The following LIMD1 variants were observed in gnomAD, a reference collection of about 807,000 sequenced individuals.
LIMD1 encodes the protein LIM domain-containing protein 1.
Under a neutral mutation model 58.4 loss-of-function variants are expected in LIMD1, and 23 were observed. That is an observed-to-expected ratio of 0.39 (90% CI 0.28 to 0.56). LIMD1 has a LOEUF of 0.56. Among genes scored for constraint, LIMD1 ranks in the 20% least tolerant of loss-of-function variants. The pLI, the probability that LIMD1 is intolerant of heterozygous loss-of-function variation, is 0.57. For missense variants in LIMD1, 838 were observed against 855.5 expected, an observed-to-expected ratio of 0.98 and a Z score of 0.25; for synonymous variants, 334 against 345.5, an observed-to-expected ratio of 0.97 and a Z score of 0.37.
intron 1 of LIMD1, among the ~76,000 whole-genome samples, chr3:45,619,686 C>T (rs1270368491): frequency 9.2e-5 from 14 of 152,072 alleles, no homozygotes; most frequent in Non-Finnish European, 2.1e-4. Context: ...GTAATCCCAA[C>T]TACTCGGGAG....
intron 2 of LIMD1, among the ~76,000 whole-genome samples, chr3:45,652,227 A>G (rs1482995217): frequency 6.6e-6 from 1 of 152,196 alleles, no homozygotes; most frequent in Non-Finnish European, 1.5e-5. Flanking sequence ...ATGCCCGGCC[A>G]GCCAATGTAT....
chr3:45,682,005 G>C lies in LIMD1; in HGVS notation c.*4946G>C, dbSNP rs1697751837. ...CATGCAGGAAGACAGGACTTGTAGA[G>C]TGTTGGGGCCAAGTGTGTGGTTAGA... On this transcript the variant is annotated 3_prime_UTR_variant, in exon 8 of 8. Coordinates refer to ENST00000273317, the MANE Select transcript of LIMD1 (RefSeq NM_014240.3). 1 of 152,292 alleles carries C rather than the reference G, an allele frequency of 6.6e-6. No homozygotes were observed. The highest frequency in any genetic ancestry group is 2.1e-4 in the South Asian group (1 of 4,834). 9.4% of individuals were successfully genotyped at this position (152,292 alleles called of 1,614,324 possible).
rs1559527614 is a variant in LIMD1, at chr3:45,677,036, G to A, written c.2008G>A (p.Ala670Thr). 3 of 1,613,946 alleles carry A rather than the reference G, an allele frequency of 1.9e-6. No individual in the cohort carries two copies. Among genetic ancestry groups the A allele is most frequent in the Non-Finnish European group, 2.5e-6 (3 of 1,180,008 alleles). ...GCTGGAGAAGAGACCCTCATCTACA[G>A]CCCTTCACCAGCACCACTTCTAGCC... ...KRLEKRPSST[A>T]LHQHHF The change falls in exon 8 of 8, where the codon GCC (alanine) becomes ACC (threonine). Residue 670 changes from alanine (A) to threonine (T), a missense_variant. Transcript: ENST00000273317.
At chr3:45,601,700 C>T (rs76347732) in intron 1 of LIMD1, among the ~76,000 whole-genome samples, 7 of 152,224 alleles carry the variant, frequency 4.6e-5, no homozygotes, top group East Asian at 1.9e-4. Context: ...GTTGAGAAAC[C>T]GAGGCCAGAG....
rs979562982 is a variant in LIMD1, at chr3:45,607,193, G to A, written c.1408+10906G>A. Among the ~76,000 whole-genome samples, 48 of 152,184 alleles carry A rather than the reference G, an allele frequency of 3.2e-4. 1 individual carries two copies. Among genetic ancestry groups the A allele is most frequent in the Non-Finnish European group, 2.2e-4 (15 of 68,038 alleles). Reference sequence around the variant, plus strand: ...AACAGGTCACCGAAATTTCCAAGGCGTGGCAACGCAGGGTAGCACTTGCCA... The same window carrying A: ...AACAGGTCACCGAAATTTCCAAGGCATGGCAACGCAGGGTAGCACTTGCCA... On this transcript the variant is annotated intron_variant, in intron 1 of 7. Transcript: ENST00000273317.
rs1701746624 is a variant in LIMD1 at position 45,632,612 on chromosome 3, T to A, written c.1409-3538T>A. The A allele has an allele frequency of 3.3e-6, 3 of 917,192 alleles. No individual in the cohort carries two copies. In the South Asian group the frequency reaches 1.5e-4, roughly 46 times the overall value. The allele number at this position is 917,192 out of a possible 1,614,324, so 56.8% of individuals were successfully genotyped here. On this transcript the variant is annotated intron_variant, in intron 1 of 7. Transcript: ENST00000273317. ...GGAACTATGTGGAATGTGATTCAAC[T>A]CACACTTGTTTCCTTGAGCACTTGC... is the stretch of plus-strand genomic sequence containing the variant.
intron 2 of LIMD1, among the ~76,000 whole-genome samples, chr3:45,638,255 G>A (rs887245007): frequency 3.9e-5 from 6 of 152,082 alleles, no homozygotes; most frequent in Non-Finnish European, 8.8e-5. Context: ...ATCCATATGG[G>A]AGTTGTGTTT....
intron 1 of LIMD1, among the ~76,000 whole-genome samples, chr3:45,598,036 G>A (rs1411768397): frequency 6.6e-6 from 1 of 152,118 alleles, no homozygotes; most frequent in Admixed American, 6.5e-5. Flanking sequence ...TGCCCAGGCT[G>A]GAGTGCAGTG....
intron 1 of LIMD1, among the ~76,000 whole-genome samples, chr3:45,615,023 C>G (rs1234272786): frequency 6.6e-6 from 1 of 151,918 alleles, no homozygotes; most frequent in Non-Finnish European, 1.5e-5. Flanking sequence ...GCAGAACTTC[C>G]CCTCTTCTCT....
At chr3:45,634,838 A>G (rs1373836706) in intron 1 of LIMD1, 3 of 152,152 alleles carry the variant, frequency 2.0e-5, no homozygotes, top group Non-Finnish European at 4.4e-5. Context: ...AGGAACCTCT[A>G]TTTCCTAATT....
chr3:45,596,319 T>A, intron 1 of LIMD1, 32 bp downstream of exon 1: 1 of 1,513,462 alleles, frequency 6.6e-7, no homozygotes, highest in East Asian at 2.3e-5. Context: ...TTGCCTATGG[T>A]GGGGCGATGG....
intron 1 of LIMD1, among the ~76,000 whole-genome samples, chr3:45,616,702 T>C (rs1701579448): frequency 6.6e-6 from 1 of 152,102 alleles, no homozygotes; most frequent in South Asian, 2.1e-4. Context: ...AAGCAAATCA[T>C]GCCTGTGTGT....
intron 1 of LIMD1, among the ~76,000 whole-genome samples, chr3:45,610,544 A>T (rs984123797): frequency 1.3e-5 from 2 of 152,198 alleles, no homozygotes; most frequent in African/African-American, 4.8e-5. Flanking sequence ...GCAGGGAGAC[A>T]TGCTGGCAGG....
intron 2 of LIMD1, among the ~76,000 whole-genome samples, chr3:45,658,009 A>G (rs182005478): frequency 9.2e-5 from 14 of 152,324 alleles, no homozygotes; most frequent in African/African-American, 3.1e-4. Flanking sequence ...AAGGCATGTG[A>G]CAGTACAGGG....
chr3:45,637,094 T>G (rs1701796832), intron 2 of LIMD1, among the ~76,000 whole-genome samples: 1 of 152,216 alleles, frequency 6.6e-6, no homozygotes, highest in African/African-American at 2.4e-5. Context: ...TCTAACCATC[T>G]GGCCCCGTGG....
intron 2 of LIMD1, among the ~76,000 whole-genome samples, chr3:45,643,085 CCTGT>C (rs1701863657): frequency 2.0e-5 from 3 of 152,132 alleles, no homozygotes; most frequent in African/African-American, 7.2e-5. Context: ...TGTCAAGTGG[CCTGT>C]CTGAGGGAGG....
In LIMD1 at chr3:45,681,803, T is replaced by C. The variant is rs1481221125; in HGVS notation, c.*4744T>C. The C allele has an allele frequency of 6.6e-6, 1 of 152,276 alleles. No individual in the cohort carries two copies. The highest frequency in any genetic ancestry group is 2.4e-5 in the African/African-American group (1 of 41,476). 9.4% of individuals were successfully genotyped at this position (152,276 alleles called of 1,614,324 possible). A position where few individuals can be genotyped will look rare whatever the true frequency, so the allele number is the denominator to read the frequency against. ...AAATGTGAGAGGCCTTGGAGAATCA[T>C]ATCCCAAGAATCAGCAGTTTCTTTT... On this transcript the variant is annotated 3_prime_UTR_variant, in exon 8 of 8. Coordinates refer to ENST00000273317, the MANE Select transcript of LIMD1 (RefSeq NM_014240.3).
intron 1 of LIMD1, among the ~76,000 whole-genome samples, chr3:45,618,595 C>T (rs892491957): frequency 1.3e-5 from 2 of 152,084 alleles, no homozygotes; most frequent in Admixed American, 1.3e-4. Context: ...AAACACCTTT[C>T]CTAGAAAGGG....
rs1017470930 is a variant in LIMD1 at position 45,681,176 on chromosome 3, A to G, written c.*4117A>G. ...CTTTTCTTTTACTATAAAGTGATTCAGAATTTTACTGTTACTATAAAATTA... is the reference window on the plus strand; with the variant it reads ...CTTTTCTTTTACTATAAAGTGATTCGGAATTTTACTGTTACTATAAAATTA... On this transcript the variant is annotated 3_prime_UTR_variant, in exon 8 of 8. Transcript: ENST00000273317. 4 of 152,228 alleles carry G rather than the reference A, an allele frequency of 2.6e-5. No individual in the cohort carries two copies. The highest frequency in any genetic ancestry group is 4.4e-5 in the Non-Finnish European group (3 of 68,032). The allele number at this position is 152,228 out of a possible 1,614,324, so 9.4% of individuals were successfully genotyped here.
Sources: gnomAD v4.1 joint callset for allele counts (sites outside exome capture counted in the v4.1 genomes callset) on GRCh38, gnomAD v4.1.1 for gene constraint, MANE v1.5 for transcripts, NCBI Gene and HGNC (gene_info 2026-07-23, HGNC 2026-07-21) for gene names.